ZNF423: variants seen among roughly 807,000 people sequenced by gnomAD.
ZNF423 encodes the protein Ebf-associated zinc finger protein.
Under a neutral mutation model 95.8 loss-of-function variants are expected in ZNF423, and 12 were observed. That is an observed-to-expected ratio of 0.13 (90% CI 0.08 to 0.20). The LOEUF (loss-of-function observed/expected upper bound fraction) is 0.20, where lower values mean the gene tolerates loss of function less well. Ranked by LOEUF, ZNF423 falls within the 10% of genes least tolerant of loss-of-function variation. The pLI is 1.00. For missense variants in ZNF423, 1,316 were observed against 1,737.1 expected (o/e 0.76, Z 4.31); for synonymous variants, 749 against 711.9 (o/e 1.05, Z -0.83).
intron 1 of ZNF423, chr16:49,854,210 G>A (rs2035331693): frequency 1.0e-6 from 1 of 985,424 alleles, no homozygotes; most frequent in South Asian, 4.7e-5. Flanking sequence ...ACCAGCCAGG[G>A]TGAGGCGAAC....
intron 7 of ZNF423, among the ~76,000 whole-genome samples, chr16:49,510,503 C>T (rs1967842165): frequency 6.6e-6 from 1 of 152,244 alleles, no homozygotes; most frequent in Admixed American, 6.5e-5. Context: ...TGAGTAGCTT[C>T]TTACGACCTC....
chr16:49,493,869 T>G (rs1173656296), intron 7 of ZNF423, among the ~76,000 whole-genome samples: 1 of 152,322 alleles, frequency 6.6e-6, no homozygotes, highest in East Asian at 1.9e-4. Flanking sequence ...ACAGGAAGGC[T>G]GGTGGGCACA....
At chr16:49,528,472 A>G (rs1968704671) in intron 5 of ZNF423, among the ~76,000 whole-genome samples, 1 of 152,168 alleles carries the variant, frequency 6.6e-6, no homozygotes, top group African/African-American at 2.4e-5. Context: ...CCAACAGACC[A>G]CTGTGTGTCT....
intron 2 of ZNF423, among the ~76,000 whole-genome samples, chr16:49,756,998 A>C (rs2033739918): frequency 6.6e-6 from 1 of 152,202 alleles, no homozygotes; most frequent in African/African-American, 2.4e-5. Flanking sequence ...CTATAGTGAG[A>C]AGTCCCATTT....
intron 1 of ZNF423, among the ~76,000 whole-genome samples, chr16:49,832,333 T>C (rs1297316395): frequency 1.3e-5 from 2 of 152,194 alleles, no homozygotes; most frequent in African/African-American, 4.8e-5. Context: ...GCCTGTCTTC[T>C]GGGGTAGCAG....
intron 7 of ZNF423, among the ~76,000 whole-genome samples, chr16:49,497,169 G>C (rs565957296): frequency 6.6e-6 from 1 of 152,180 alleles, no homozygotes; most frequent in South Asian, 2.1e-4. Context: ...ACAGGGGATG[G>C]AATAGGTGTG....
At chr16:49,853,391 T>C (rs779297167) in intron 1 of ZNF423, among the ~76,000 whole-genome samples, 14 of 152,104 alleles carry the variant, frequency 9.2e-5, no homozygotes, top group Non-Finnish European at 1.3e-4. Flanking sequence ...ATTCCTCCCT[T>C]GATAAGTGGC....
At chr16:49,858,725 C>A (rs907329727), upstream of ZNF423, among the ~76,000 whole-genome samples, 15 of 143,144 alleles carry the variant, frequency 1.0e-4, no homozygotes, top group Admixed American at 2.8e-4. The surrounding 1 kb of genome is among the most constrained non-coding windows in gnomAD (Gnocchi z 4.3). Context: ...GAGCCCCCCC[C>A]CCCACGCCCC....
intron 7 of ZNF423, among the ~76,000 whole-genome samples, chr16:49,516,371 A>T (rs1482693716): frequency 6.6e-6 from 1 of 152,242 alleles, no homozygotes; most frequent in East Asian, 1.9e-4. Context: ...CTGATCCTCA[A>T]ACTGCCCAGA....
intron 3 of ZNF423, among the ~76,000 whole-genome samples, chr16:49,671,139 G>A (rs1449428023): frequency 6.6e-6 from 1 of 152,226 alleles, no homozygotes; most frequent in South Asian, 2.1e-4. Context: ...GACTAGGAAG[G>A]CCCAGCTTCC....
intron 3 of ZNF423, among the ~76,000 whole-genome samples, chr16:49,646,695 TC>T (rs1973186968): frequency 6.6e-6 from 1 of 151,626 alleles, no homozygotes; most frequent in African/African-American, 2.4e-5. Context: ...TCGGTAGGAA[TC>T]CTGAGTAGCT....
intron 2 of ZNF423, among the ~76,000 whole-genome samples, chr16:49,767,519 T>C (rs1422511611): frequency 2.0e-5 from 3 of 152,214 alleles, no homozygotes; most frequent in Admixed American, 2.0e-4. Context: ...CAACAGCCCA[T>C]GGAGCGCTGT....
At chr16:49,640,091 T>A (rs1972916817) in intron 3 of ZNF423, among the ~76,000 whole-genome samples, 1 of 152,000 alleles carries the variant, frequency 6.6e-6, no homozygotes, top group South Asian at 2.1e-4. Context: ...CTTGCTCTTG[T>A]AACCCCGAGG....
intron 3 of ZNF423, among the ~76,000 whole-genome samples, chr16:49,717,054 T>A (rs2032729123): frequency 6.6e-6 from 1 of 152,138 alleles, no homozygotes; most frequent in Admixed American, 6.6e-5. Context: ...CACCCTCTGA[T>A]GTGTTCATCT....
intron 2 of ZNF423, among the ~76,000 whole-genome samples, chr16:49,752,103 G>A (rs191254229): frequency 6.6e-6 from 1 of 152,344 alleles, no homozygotes; most frequent in Non-Finnish European, 1.5e-5. Flanking sequence ...GCAGAAGAAA[G>A]CAGAATTGTG....
intron 5 of ZNF423, among the ~76,000 whole-genome samples, chr16:49,564,220 G>A (rs550513238): frequency 6.6e-6 from 1 of 152,052 alleles, no homozygotes; most frequent in East Asian, 1.9e-4. Context: ...ATTTATAATC[G>A]CAATGTAGTT....
intron 2 of ZNF423, among the ~76,000 whole-genome samples, chr16:49,738,526 C>T (rs1224489933): frequency 6.6e-6 from 1 of 152,140 alleles, no homozygotes; most frequent in Non-Finnish European, 1.5e-5. Flanking sequence ...GCGGGGCTCA[C>T]CTGAATGCAT....
rs191418934 is a variant in ZNF423 at position 49,529,905 on chromosome 16, C to A, written c.3602-4411G>T. ...TGCCTACCCCCTCTCTTAGCAGGAACCCCCCTCGGGAAAGCTGACCCCAGA... is the reference window on the plus strand; with the variant it reads ...TGCCTACCCCCTCTCTTAGCAGGAAACCCCCTCGGGAAAGCTGACCCCAGA... On this transcript the variant is annotated intron_variant, in intron 5 of 7. Coordinates refer to ENST00000563137, the MANE Select transcript of ZNF423 (RefSeq NM_001379286.1). 1.9e-3 allele frequency among the ~76,000 whole-genome samples: 285 copies of A among 152,232 alleles called. 5 individuals carry two copies. The highest frequency in any genetic ancestry group is 6.1e-3 in the African/African-American group (255 of 41,536).
At chr16:49,702,931 A>G (rs144588698) in intron 3 of ZNF423, among the ~76,000 whole-genome samples, 24,931 of 151,802 alleles carry the variant, frequency 0.16, 2,308 homozygotes, top group African/African-American at 0.24. Context: ...ACACACACAC[A>G]CACACACACA....
Sources: gnomAD v4.1 joint callset for allele counts (sites outside exome capture counted in the v4.1 genomes callset) on GRCh38, gnomAD v4.1.1 for gene constraint, Gnocchi (gnomAD v3.1) non-coding constraint, MANE v1.5 for transcripts, NCBI Gene and HGNC (gene_info 2026-07-23, HGNC 2026-07-21) for gene names.